M1AP: variants seen among roughly 807,000 people sequenced by gnomAD.
M1AP encodes the protein meiosis 1 arrest protein.
A neutral mutation model predicts 51.2 loss-of-function variants in M1AP; 39 were observed. The observed-to-expected ratio is 0.76, with a 90% CI of 0.59 to 1.00. The LOEUF (loss-of-function observed/expected upper bound fraction) is 1.00. Among genes scored for constraint, M1AP ranks in the 50% least tolerant of loss-of-function variants. The pLI, the probability that M1AP is intolerant of heterozygous loss-of-function variation, is 0.00. For missense variants in M1AP, 545 were observed against 641.2 expected (o/e 0.85, Z 1.62); for synonymous variants, 251 against 249.2 (o/e 1.01, Z -0.07).
At chr2:74,630,770 T>C (rs1682660659) in intron 2 of M1AP, among the ~76,000 whole-genome samples, 1 of 152,222 alleles carries the variant, frequency 6.6e-6, no homozygotes, top group Non-Finnish European at 1.5e-5. Context: ...GTTTTTGCTA[T>C]TGTGAATAGT....
chr2:74,558,367 C>G lies in M1AP; in HGVS notation c.*349G>C. 4.4e-6 allele frequency: 1 copy of G among 225,084 alleles called. No individual in the cohort carries two copies. The highest frequency in any genetic ancestry group is 6.2e-5 in the South Asian group (1 of 16,012). The allele number at this position is 225,084 out of a possible 1,614,324, so 13.9% of individuals were successfully genotyped here. ...GTCCAGTTTACCAAAGGTGATCTGA[C>G]CTCATCCACCTGCTTACACAGAGCT... On this transcript the variant is annotated 3_prime_UTR_variant, in exon 11 of 11. Transcript: ENST00000421985.
intron 7 of M1AP, among the ~76,000 whole-genome samples, chr2:74,570,170 A>G (rs577707351): frequency 6.6e-6 from 1 of 152,298 alleles, no homozygotes; most frequent in Admixed American, 6.5e-5. Flanking sequence ...GAATACACCA[A>G]TACTTAGTGA....
At chr2:74,617,803 A>T (rs896492592) in intron 2 of M1AP, among the ~76,000 whole-genome samples, 1 of 152,254 alleles carries the variant, frequency 6.6e-6, no homozygotes, top group African/African-American at 2.4e-5. Flanking sequence ...AAGGTTCAGA[A>T]GTAAAAACAT....
At chr2:74,633,121 G>A (rs1021146618) in intron 2 of M1AP, among the ~76,000 whole-genome samples, 1 of 152,012 alleles carries the variant, frequency 6.6e-6, no homozygotes, top group Admixed American at 6.6e-5. Context: ...TTGGTCAATG[G>A]GAGGCACCAG....
chr2:74,596,595 C>T (rs1029470750), intron 4 of M1AP, among the ~76,000 whole-genome samples: 1 of 151,830 alleles, frequency 6.6e-6, no homozygotes, highest in Non-Finnish European at 1.5e-5. Flanking sequence ...AGAACAACAA[C>T]AACAACAACA....
intron 1 of M1AP, chr2:74,647,491 A>C: frequency 1.3e-6 from 1 of 766,504 alleles, no homozygotes; most frequent in Non-Finnish European, 1.6e-6. Context: ...AAAGATTAAA[A>C]GAAGTTAATG....
At chr2:74,579,915 C>T (rs1679302423) in intron 5 of M1AP, among the ~76,000 whole-genome samples, 1 of 152,142 alleles carries the variant, frequency 6.6e-6, no homozygotes, top group Non-Finnish European at 1.5e-5. Flanking sequence ...GCAAGTGATC[C>T]TCTTGCCTCG....
chr2:74,578,663 TGTG>T (rs1679231181), intron 5 of M1AP, among the ~76,000 whole-genome samples: 1 of 152,060 alleles, frequency 6.6e-6, no homozygotes, highest in Admixed American at 6.5e-5. Context: ...AAGAAACTCA[TGTG>T]TAACTCACTG....
intron 2 of M1AP, among the ~76,000 whole-genome samples, chr2:74,630,767 C>T (rs563993442): frequency 1.3e-5 from 2 of 152,184 alleles, no homozygotes; most frequent in East Asian, 1.9e-4. Flanking sequence ...CAAGTTTTTG[C>T]TATTGTGAAT....
Position 74,607,137 on chromosome 2 carries a change from C to T in M1AP, c.513G>A (p.Arg171=). The stretch of plus-strand genomic sequence containing the variant: ...TTGTGACCTCAACGACCTGAAACCT[C>T]CTGACTCTGGCTAGGTCTGTATCTT... ...GLKDTDLARV[R]RFQVVEVTKG... The change falls in exon 4 of 11, where the codon AGG becomes AGA. Residue 171 remains arginine, a synonymous_variant. Transcript: ENST00000421985. The T allele has an allele frequency of 6.2e-7, 1 of 1,614,174 alleles. No homozygotes were observed. The highest frequency in any genetic ancestry group is 8.5e-7 in the Non-Finnish European group (1 of 1,180,008).
intron 4 of M1AP, among the ~76,000 whole-genome samples, chr2:74,598,621 CTTT>C (rs534856535): frequency 0.045 from 5,162 of 114,394 alleles, 156 homozygotes; most frequent in African/African-American, 0.15. Flanking sequence ...TGTATATCAA[CTTT>C]TTTTTTTTTT....
At chr2:74,561,184 AAGG>A (rs1558643803) in intron 8 of M1AP, among the ~76,000 whole-genome samples, 183 of 21,220 alleles carry the variant, frequency 8.6e-3, no homozygotes, top group African/African-American at 0.02. Flanking sequence ...GGAGGAGGAG[AAGG>A]AGGAGGAGGA....
chr2:74,560,439 G>A, intron 8 of M1AP, 148 bp from the exon 9 acceptor site: 1 of 803,014 alleles, frequency 1.2e-6, no homozygotes, highest in South Asian at 1.9e-5. Flanking sequence ...CTGTCCCCCT[G>A]GGTGTTCTGG....
In M1AP at chr2:74,640,077, A is replaced by G. The variant is rs565880158; in HGVS notation, c.199T>C (p.Tyr67His). Residue 67 changes from tyrosine (Y) to histidine (H), a missense_variant, in exon 2 of 11, where the codon TAC becomes CAC. Physicochemically the swap from Tyr to His is moderately conservative, Grantham distance 83. Coordinates refer to ENST00000421985, the MANE Select transcript of M1AP (RefSeq NM_001321739.2). ...CACTCATGCTGATCTTGTACCATGTATAAACTGAACAGGGACATGCGGCTG... is the reference window on the plus strand; with the variant it reads ...CACTCATGCTGATCTTGTACCATGTGTAAACTGAACAGGGACATGCGGCTG... Reference protein sequence around the residue: ...GPSRMSLFSLYMVQDQHECIL... With the variant: ...GPSRMSLFSLHMVQDQHECIL... The G allele has an allele frequency of 1.0e-4, 169 of 1,614,254 alleles. 1 individual carries two copies. In the South Asian group the frequency reaches 1.7e-3, roughly 16 times the overall value.
chr2:74,639,597 G>C (rs1458883490), intron 2 of M1AP, among the ~76,000 whole-genome samples: 1 of 152,172 alleles, frequency 6.6e-6, no homozygotes, highest in Non-Finnish European at 1.5e-5. Flanking sequence ...TGCATAGTTA[G>C]GGCTTTCTGA....
intron 4 of M1AP, among the ~76,000 whole-genome samples, chr2:74,585,656 T>C (rs1679665302): frequency 6.6e-6 from 1 of 152,238 alleles, no homozygotes; most frequent in South Asian, 2.1e-4. Flanking sequence ...ACAGAGGTGC[T>C]GTGTGTCGGG....
rs925609439 is a variant in M1AP, at chr2:74,624,673, G to C, written c.241-9524C>G. ...GTGTTTTGAATACATACATTCATAG[G>C]GTTTGAAATTCAAAAGGATATGTAA... On this transcript the variant is annotated intron_variant, in intron 2 of 10. Transcript: ENST00000421985. 1.1e-4 allele frequency among the ~76,000 whole-genome samples: 16 copies of C among 152,152 alleles called. No homozygotes were observed. The East Asian group carries it at 3.1e-3, about 29-fold the overall frequency.
Position 74,558,579 on chromosome 2 carries a change from A to G in M1AP, c.*137T>C. On this transcript the variant is annotated 3_prime_UTR_variant, in exon 11 of 11. Transcript: ENST00000421985. Reference sequence around the variant, plus strand: ...TGGGACAGCACTGAAACAGGACAGGAAGGCTGTTGTTTCCCAGTCAGCCCT... The same window carrying G: ...TGGGACAGCACTGAAACAGGACAGGGAGGCTGTTGTTTCCCAGTCAGCCCT... The G allele has an allele frequency of 1.0e-6, 1 of 979,480 alleles. No individual in the cohort carries two copies. The highest frequency in any genetic ancestry group is 1.6e-5 in the South Asian group (1 of 62,728). 60.7% of individuals were successfully genotyped at this position (979,480 alleles called of 1,614,324 possible). A position where few individuals can be genotyped will look rare whatever the true frequency, so the allele number is the denominator to read the frequency against.
intron 7 of M1AP, among the ~76,000 whole-genome samples, chr2:74,562,655 G>A (rs1005220277): frequency 6.6e-6 from 1 of 152,158 alleles, no homozygotes; most frequent in African/African-American, 2.4e-5. Context: ...GGTCAACAAT[G>A]GAGAGAAAAG....
Sources: gnomAD v4.1 joint callset for allele counts (sites outside exome capture counted in the v4.1 genomes callset) on GRCh38, gnomAD v4.1.1 for gene constraint, MANE v1.5 for transcripts, NCBI Gene and HGNC (gene_info 2026-07-23, HGNC 2026-07-21) for gene names.